The following REDIC1 variants were observed in gnomAD, a reference collection of about 807,000 sequenced individuals.
REDIC1 encodes the protein HEI10 Interacting Protein 1.
chr12:39,735,053 A>T, the REDIC1 span, among the ~76,000 whole-genome samples: 3 of 152,182 alleles, frequency 2.0e-5, no homozygotes. Flanking sequence ...AGAAACATGA[A>T]AGTTATTTTA....
At chr12:39,734,370 A>G in the REDIC1 span, among the ~76,000 whole-genome samples, 2 of 152,188 alleles carry the variant, frequency 1.3e-5, no homozygotes, top group Admixed American at 6.5e-5. Context: ...TTGCCCAGGA[A>G]TCATCTTAAT....
the REDIC1 span, among the ~76,000 whole-genome samples, chr12:39,856,513 C>CT: frequency 3.3e-5 from 5 of 152,056 alleles, no homozygotes; most frequent in Non-Finnish European, 7.4e-5. Flanking sequence ...GGACTACAGG[C>CT]GCATGCCACC....
the REDIC1 span, among the ~76,000 whole-genome samples, chr12:39,715,265 C>T: frequency 6.6e-6 from 1 of 151,892 alleles, no homozygotes; most frequent in South Asian, 2.1e-4. Context: ...AGGATCGTTT[C>T]ATTCTCCTGT....
At chr12:39,706,838 A>G in the REDIC1 span, among the ~76,000 whole-genome samples, 12 of 152,018 alleles carry the variant, frequency 7.9e-5, no homozygotes, top group African/African-American at 2.9e-4. Context: ...GTCTCTCACC[A>G]TATACAAAAA....
the REDIC1 span, among the ~76,000 whole-genome samples, chr12:39,710,959 T>A: frequency 5.3e-5 from 8 of 151,446 alleles, no homozygotes; most frequent in Non-Finnish European, 8.9e-5. Flanking sequence ...AGAAAGTTCT[T>A]TAGTGGTGAT....
At chr12:39,796,253 T>G in the REDIC1 span, among the ~76,000 whole-genome samples, 2,173 of 151,980 alleles carry the variant, frequency 0.014, 55 homozygotes, top group African/African-American at 0.047. Context: ...CTGATCTGAG[T>G]GTGACCATGT....
At chr12:39,669,167 T>TC in the REDIC1 span, among the ~76,000 whole-genome samples, 1 of 152,168 alleles carries the variant, frequency 6.6e-6, no homozygotes, top group African/African-American at 2.4e-5. Context: ...CTCCGTTTTT[T>TC]CCCCATCTTT....
the REDIC1 span, chr12:39,758,041 G>GAGAT: frequency 6.6e-6 from 1 of 151,494 alleles, no homozygotes; most frequent in African/African-American, 2.4e-5. Context: ...AATTTCTTAT[G>GAGAT]AGATAAGAAA....
the REDIC1 span, among the ~76,000 whole-genome samples, chr12:39,854,257 A>T: frequency 6.6e-6 from 1 of 152,202 alleles, no homozygotes; most frequent in South Asian, 2.1e-4. Context: ...AATAATAATA[A>T]TAACAGTATC....
the REDIC1 span, among the ~76,000 whole-genome samples, chr12:39,666,338 TGTTG>T: frequency 6.6e-6 from 1 of 152,132 alleles, no homozygotes. Context: ...TGGCTTTTGT[TGTTG>T]GTTCTGTTTA....
chr12:39,888,245 G>A, the REDIC1 span, among the ~76,000 whole-genome samples: 1 of 152,032 alleles, frequency 6.6e-6, no homozygotes, highest in African/African-American at 2.4e-5. Flanking sequence ...TTTATTTTGA[G>A]AAGGAGTCTC....
the REDIC1 span, among the ~76,000 whole-genome samples, chr12:39,704,311 A>G: frequency 5.3e-5 from 8 of 152,192 alleles, no homozygotes; most frequent in Non-Finnish European, 8.8e-5. Flanking sequence ...GCCAAAAAAC[A>G]CATGAAAAAA....
At chr12:39,666,504 C>T in the REDIC1 span, among the ~76,000 whole-genome samples, 2 of 152,184 alleles carry the variant, frequency 1.3e-5, no homozygotes, top group South Asian at 2.1e-4. Context: ...CGATGTTCAT[C>T]AGGAATATTG....
chr12:39,661,736 G>A, the REDIC1 span, among the ~76,000 whole-genome samples: 2 of 152,012 alleles, frequency 1.3e-5, no homozygotes, highest in Non-Finnish European at 2.9e-5. Context: ...CTAGACCAAT[G>A]TCCTGGAGTG....
the REDIC1 span, among the ~76,000 whole-genome samples, chr12:39,830,726 G>A: frequency 1.3e-5 from 2 of 152,008 alleles, no homozygotes; most frequent in Non-Finnish European, 2.9e-5. Context: ...AAAACATTAT[G>A]TCTAAAGAAA....
chr12:39,778,063 C>A, the REDIC1 span, among the ~76,000 whole-genome samples: 30 of 152,302 alleles, frequency 2.0e-4, no homozygotes, highest in East Asian at 5.8e-3. Flanking sequence ...GGGTTGGAGT[C>A]CCACAGCCTG....
chr12:39,791,240 A>G, the REDIC1 span, among the ~76,000 whole-genome samples: 1 of 145,540 alleles, frequency 6.9e-6, no homozygotes, highest in Non-Finnish European at 1.5e-5. Flanking sequence ...AATAAGAGCT[A>G]TCTATGACAA....
the REDIC1 span, among the ~76,000 whole-genome samples, chr12:39,738,370 G>A: frequency 5.9e-5 from 9 of 152,066 alleles, no homozygotes; most frequent in South Asian, 4.1e-4. Context: ...TATCATTTAC[G>A]AATTAGACAA....
chr12:39,783,252 T>A, the REDIC1 span, among the ~76,000 whole-genome samples: 1 of 152,248 alleles, frequency 6.6e-6, no homozygotes, highest in Non-Finnish European at 1.5e-5. Flanking sequence ...TGCCACATTT[T>A]CTTAATTCAC....
Sources: gnomAD v4.1 joint callset for allele counts (sites outside exome capture counted in the v4.1 genomes callset) on GRCh38, gnomAD v4.1.1 for gene constraint, MANE v1.5 for transcripts, NCBI Gene and HGNC (gene_info 2026-07-23, HGNC 2026-07-21) for gene names.